FHIT: variants seen among roughly 807,000 people sequenced by gnomAD.
The protein encoded by FHIT is bis(5'-adenosyl)-triphosphatase.
In FHIT, 19 loss-of-function variants were observed where a neutral mutation model predicts 17.9. The observed-to-expected ratio is 1.06, with a 90% confidence interval of 0.74 to 1.56. FHIT has a LOEUF of 1.56. Ranked by LOEUF, FHIT falls within the 40% of genes most tolerant of loss-of-function variation. The pLI is 0.00. For synonymous variants in FHIT, 81 were observed against 69.7 expected (o/e 1.16, Z -0.81); for missense variants, 248 against 189.2 (o/e 1.31, Z -1.82).
chr3:60,045,590 A>G (rs1405520555), intron 5 of FHIT, among the ~76,000 whole-genome samples: 1 of 152,148 alleles, frequency 6.6e-6, no homozygotes, highest in Non-Finnish European at 1.5e-5. Context: ...ATGTTTTTTT[A>G]ATGGAAAATA....
intron 8 of FHIT, among the ~76,000 whole-genome samples, chr3:59,918,023 G>A (rs1328809156): frequency 1.3e-5 from 2 of 152,180 alleles, no homozygotes; most frequent in African/African-American, 4.8e-5. Flanking sequence ...TCTGCACACT[G>A]ATTTCTGACC....
chr3:60,067,356 A>G (rs114339836), intron 5 of FHIT, among the ~76,000 whole-genome samples: 3 of 146,900 alleles, frequency 2.0e-5, no homozygotes, highest in East Asian at 2.0e-4. Context: ...ATGAATGAAT[A>G]AGCACACATA....
chr3:61,219,712 C>G (rs1299105846), intron 1 of FHIT, among the ~76,000 whole-genome samples: 2 of 152,104 alleles, frequency 1.3e-5, no homozygotes, highest in African/African-American at 4.8e-5. Flanking sequence ...AAGAAATAAA[C>G]ATGGAAGTAG....
At chr3:60,519,908 T>G (rs2035296712) in intron 5 of FHIT, among the ~76,000 whole-genome samples, 1 of 152,122 alleles carries the variant, frequency 6.6e-6, no homozygotes, top group Non-Finnish European at 1.5e-5. Flanking sequence ...GGAGTGACCA[T>G]CAGCTCAGAG....
At chr3:60,973,952 T>C (rs1395347457) in intron 3 of FHIT, among the ~76,000 whole-genome samples, 1 of 152,204 alleles carries the variant, frequency 6.6e-6, no homozygotes, top group Non-Finnish European at 1.5e-5. Flanking sequence ...ACCTGCATTC[T>C]GCTAAGTCAA....
At chr3:59,949,079 G>A (rs550316125) in intron 7 of FHIT, among the ~76,000 whole-genome samples, 3 of 152,000 alleles carry the variant, frequency 2.0e-5, no homozygotes, top group African/African-American at 4.8e-5. Flanking sequence ...AGTCTATATT[G>A]TTACCATCTT....
chr3:60,338,657 TGAGA>T (rs1192376632), intron 5 of FHIT, among the ~76,000 whole-genome samples: 1 of 152,190 alleles, frequency 6.6e-6, no homozygotes, highest in African/African-American at 2.4e-5. Context: ...AGATGTTGCC[TGAGA>T]AAGATAGAGC....
chr3:60,957,233 CTTTTTTTTTTTTTT>C (rs35221092), intron 3 of FHIT, among the ~76,000 whole-genome samples: 2 of 97,140 alleles, frequency 2.1e-5, no homozygotes, highest in South Asian at 3.9e-4. Context: ...TTCTTTCTTT[CTTTTTTTTTTTTTT>C]TTTTTTTTGA....
At position 59,771,377 on chromosome 3, in the gene FHIT, T is replaced by A. The variant is rs138587072; in HGVS notation, c.349-19056A>T. On this transcript the variant is annotated intron_variant, in intron 8 of 9. Transcript: ENST00000492590. ...GAGGAAAAGCATGGGAATATGATAA[T>A]AATTTTTAAAAAAGACAATTCTCCA... is the stretch of plus-strand genomic sequence containing the variant. Among the ~76,000 whole-genome samples, 885 of 152,238 alleles carry A rather than the reference T, an allele frequency of 5.8e-3. 2 individuals are homozygous for A. The highest frequency in any genetic ancestry group is 0.01 in the Non-Finnish European group (687 of 68,014).
intron 4 of FHIT, among the ~76,000 whole-genome samples, chr3:60,821,589 G>T (rs1317830013): frequency 1.3e-5 from 2 of 152,124 alleles, no homozygotes; most frequent in South Asian, 2.1e-4. Flanking sequence ...ATGTGTAACT[G>T]CTGGGGGGAG....
intron 3 of FHIT, among the ~76,000 whole-genome samples, chr3:61,018,045 T>C (rs1055405590): frequency 7.9e-5 from 12 of 152,200 alleles, no homozygotes; most frequent in Admixed American, 6.5e-4. Flanking sequence ...CAATTACTCA[T>C]TGAACATTTA....
chr3:60,228,980 T>C (rs1576339678), intron 5 of FHIT, among the ~76,000 whole-genome samples: 2 of 152,232 alleles, frequency 1.3e-5, no homozygotes, highest in East Asian at 3.9e-4. Context: ...GAGGTGAGAT[T>C]CGAGAAATGT....
chr3:60,435,329 G>A (rs1158776205), intron 5 of FHIT, among the ~76,000 whole-genome samples: 1 of 152,104 alleles, frequency 6.6e-6, no homozygotes, highest in Non-Finnish European at 1.5e-5. Flanking sequence ...GACTTGATTT[G>A]TAAATGAAAA....
chr3:60,190,356 G>GAA (rs371897853), intron 5 of FHIT, among the ~76,000 whole-genome samples: 107 of 126,686 alleles, frequency 8.4e-4, no homozygotes, highest in African/African-American at 3.1e-3. Context: ...GATGAGACCA[G>GAA]AAAAAAAAAA....
chr3:60,659,661 C>A (rs2040195561), intron 4 of FHIT, among the ~76,000 whole-genome samples: 1 of 151,924 alleles, frequency 6.6e-6, no homozygotes, highest in South Asian at 2.1e-4. Context: ...CTAGTTAGTT[C>A]ATACATCATT....
chr3:60,033,513 GAAAGA>G (rs1701088409), intron 5 of FHIT, among the ~76,000 whole-genome samples: 1 of 151,422 alleles, frequency 6.6e-6, no homozygotes, highest in Non-Finnish European at 1.5e-5. Context: ...AAGAGAGAAA[GAAAGA>G]AAAGAAAGAA....
chr3:60,666,482 T>A (rs768286959), intron 4 of FHIT, among the ~76,000 whole-genome samples: 1 of 152,214 alleles, frequency 6.6e-6, no homozygotes, highest in Non-Finnish European at 1.5e-5. Flanking sequence ...CTATAGGTAA[T>A]GTGTCATTTC....
intron 4 of FHIT, among the ~76,000 whole-genome samples, chr3:60,568,373 C>G (rs892139716): frequency 6.6e-6 from 1 of 151,882 alleles, no homozygotes; most frequent in South Asian, 2.1e-4. Context: ...AACCAAATAC[C>G]GCGTGTTCTC....
intron 3 of FHIT, among the ~76,000 whole-genome samples, chr3:60,860,224 C>G (rs1463593719): frequency 7.1e-6 from 1 of 139,978 alleles, no homozygotes; most frequent in African/African-American, 2.8e-5. Context: ...ACATGAGATA[C>G]ATCATATGTA....
Sources: gnomAD v4.1 joint callset for allele counts (sites outside exome capture counted in the v4.1 genomes callset) on GRCh38, gnomAD v4.1.1 for gene constraint, MANE v1.5 for transcripts, NCBI Gene and HGNC (gene_info 2026-07-23, HGNC 2026-07-21) for gene names.